Variants in INO80 observed in about 807,000 individuals in gnomAD.
The protein encoded by INO80 is chromatin-remodeling ATPase INO80.
A neutral mutation model predicts 203.4 loss-of-function variants in INO80; 20 were observed. That is an observed-to-expected ratio of 0.10 (90% confidence interval 0.07 to 0.14). INO80 has a LOEUF of 0.14. Among genes scored for constraint, INO80 ranks in the 10% least tolerant of loss-of-function variants. The pLI, the probability that INO80 is intolerant of heterozygous loss-of-function variation, is 1.00. For synonymous variants in INO80, 726 were observed against 685.2 expected (o/e 1.06, Z -0.93); for missense variants, 1,419 against 1,914.4 (o/e 0.74, Z 4.83).
chr15:41,103,819 T>C (rs1010029139), intron 1 of INO80, among the ~76,000 whole-genome samples: 15 of 152,198 alleles, frequency 9.9e-5, no homozygotes, highest in African/African-American at 3.4e-4. Flanking sequence ...TACAATTTAA[T>C]CTTTTACTAC....
chr15:41,012,074 G>A (rs2140450978), intron 27 of INO80, among the ~76,000 whole-genome samples: 1 of 152,302 alleles, frequency 6.6e-6, no homozygotes, highest in Non-Finnish European at 1.5e-5. Flanking sequence ...GATGCAATAG[G>A]AATGAAACTC....
intron 21 of INO80, among the ~76,000 whole-genome samples, chr15:41,048,949 C>T (rs2044815770): frequency 6.6e-6 from 1 of 152,192 alleles, no homozygotes; most frequent in Admixed American, 6.5e-5. Context: ...ATCAGTTCAC[C>T]CACAAGTGCA....
chr15:41,064,767 T>C (rs991713518), intron 14 of INO80, among the ~76,000 whole-genome samples: 11 of 151,822 alleles, frequency 7.2e-5, no homozygotes, highest in Non-Finnish European at 2.9e-5. Context: ...GAAGCCAAGG[T>C]AGAAGGATCG....
chr15:41,020,129 G>A (rs544722536), intron 26 of INO80, among the ~76,000 whole-genome samples: 2 of 152,228 alleles, frequency 1.3e-5, no homozygotes, highest in South Asian at 4.1e-4. Context: ...GCTGAGGCAG[G>A]AGAATGGCTT....
intron 20 of INO80, among the ~76,000 whole-genome samples, chr15:41,049,721 AC>A (rs2044832672): frequency 6.6e-6 from 1 of 152,134 alleles, no homozygotes; most frequent in East Asian, 1.9e-4. Context: ...CCTCATCTCT[AC>A]TAAAAATACA....
At chr15:41,063,713 G>A (rs183268432) in intron 14 of INO80, among the ~76,000 whole-genome samples, 3 of 152,200 alleles carry the variant, frequency 2.0e-5, no homozygotes, top group Admixed American at 2.0e-4. Flanking sequence ...GGAGGTTGCA[G>A]TGAGCTGAGA....
rs1240339775 is a variant in INO80, at chr15:41,031,912, CCACAGCACAGCACAGCACAG to C, written c.2908-4196_2908-4177del. Among the ~76,000 whole-genome samples, 236 of 128,392 alleles carry C rather than the reference CCACAGCACAGCACAGCACAG, an allele frequency of 1.8e-3. 1 individual carries two copies. The highest frequency in any genetic ancestry group is 7.9e-3 in the African/African-American group (222 of 28,134). The allele number at this position is 128,392 out of a possible 152,430, so 84.2% of individuals were successfully genotyped here. A position where few individuals can be genotyped will look rare whatever the true frequency, so the allele number is the denominator to read the frequency against. On this transcript the variant is annotated intron_variant, in intron 24 of 35. Coordinates refer to ENST00000648947, the MANE Select transcript of INO80 (RefSeq NM_017553.3). ...AGGCTCCATAGCTGCATACTCCTTG[CCACAGCACAGCACAGCACAG>C]CACAGCACAGCACAGCACAGCACAG... is the stretch of plus-strand genomic sequence containing the variant.
intron 1 of INO80, among the ~76,000 whole-genome samples, chr15:41,105,536 T>A (rs557648845): frequency 5.9e-4 from 89 of 152,136 alleles, no homozygotes; most frequent in Non-Finnish European, 9.1e-4. Flanking sequence ...AAGATTGGAA[T>A]CCAAGAAGTG....
intron 16 of INO80, among the ~76,000 whole-genome samples, chr15:41,057,099 C>T (rs1360496796): frequency 2.0e-5 from 3 of 152,110 alleles, no homozygotes; most frequent in Admixed American, 1.3e-4. Flanking sequence ...TTGGAGAGAG[C>T]AGTTATGAGG....
At chr15:41,057,219 C>T (rs990584174) in intron 16 of INO80, among the ~76,000 whole-genome samples, 1 of 152,106 alleles carries the variant, frequency 6.6e-6, no homozygotes, top group East Asian at 1.9e-4. Flanking sequence ...TGTCTGTACT[C>T]CCAGCACTTT....
chr15:41,023,119 G>T, intron 25 of INO80: 3 of 319,906 alleles, frequency 9.4e-6, no homozygotes, highest in Non-Finnish European at 1.2e-5. Flanking sequence ...AAAAAAAAAA[G>T]TTAAAAAAAG....
At position 41,049,921 on chromosome 15, in the gene INO80, A is replaced by C. The variant is rs1566928344; in HGVS notation, c.2442+14T>G. ...AAAAAACAAAACTTCAAGGGAACTG[A>C]CGTAAGCTCTTACCTTCCTAAACTG... On this transcript the variant is annotated intron_variant, in intron 20 of 35. Coordinates refer to ENST00000648947, the MANE Select transcript of INO80 (RefSeq NM_017553.3). 6.2e-7 allele frequency: 1 copy of C among 1,602,236 alleles called. No homozygotes were observed. The highest frequency in any genetic ancestry group is 8.5e-7 in the Non-Finnish European group (1 of 1,172,536).
At chr15:41,077,588 A>G (rs758696713) in intron 9 of INO80, among the ~76,000 whole-genome samples, 3 of 152,076 alleles carry the variant, frequency 2.0e-5, no homozygotes, top group Non-Finnish European at 4.4e-5. Context: ...AAGAGATGGT[A>G]TCTTACTCTG....
intron 23 of INO80, among the ~76,000 whole-genome samples, chr15:41,046,681 G>A (rs1397739575): frequency 6.6e-6 from 1 of 151,914 alleles, no homozygotes; most frequent in African/African-American, 2.4e-5. Context: ...GCAGTGGAGC[G>A]ATCTTGACTC....
intron 27 of INO80, among the ~76,000 whole-genome samples, chr15:41,011,010 A>G (rs2044127049): frequency 1.3e-5 from 2 of 152,224 alleles, no homozygotes; most frequent in Admixed American, 1.3e-4. Context: ...TCCCTTATCT[A>G]ATACAGAGCC....
chr15:41,054,491 G>C (rs1249380155), intron 18 of INO80, among the ~76,000 whole-genome samples: 2 of 152,056 alleles, frequency 1.3e-5, no homozygotes, highest in African/African-American at 4.8e-5. Context: ...TATTGATAAG[G>C]TTAAAAATGC....
intron 10 of INO80, among the ~76,000 whole-genome samples, chr15:41,074,121 C>G (rs1471589261): frequency 6.6e-6 from 1 of 152,104 alleles, no homozygotes; most frequent in Non-Finnish European, 1.5e-5. Flanking sequence ...TTTCTACTAA[C>G]AAATCACAAC....
Position 40,984,064 on chromosome 15 carries a change from G to A in INO80, c.4077+133C>T, listed in dbSNP as rs186740764. The stretch of plus-strand genomic sequence containing the variant: ...GTCCTCATTTGTTTTTCTCCTTACA[G>A]ACCTCATGTGCAACCTACTTCAACA... On this transcript the variant is annotated intron_variant, in intron 33 of 35. Transcript: ENST00000648947. 1.4e-5 allele frequency: 18 copies of A among 1,321,846 alleles called. No homozygotes were observed. In the East Asian group the frequency reaches 3.6e-4, roughly 27 times the overall value. The allele number at this position is 1,321,846 out of a possible 1,614,324, so 81.9% of individuals were successfully genotyped here.
chr15:41,018,692 T>C (rs2044245827), intron 26 of INO80: 1 of 152,350 alleles, frequency 6.6e-6, no homozygotes, highest in East Asian at 1.9e-4. Context: ...AAAAACAGGT[T>C]TCTTTCTCTG....
Sources: gnomAD v4.1 joint callset for allele counts (sites outside exome capture counted in the v4.1 genomes callset) on GRCh38, gnomAD v4.1.1 for gene constraint, MANE v1.5 for transcripts, NCBI Gene and HGNC (gene_info 2026-07-23, HGNC 2026-07-21) for gene names.